Variants in ZFHX3 observed in about 807,000 individuals in gnomAD.
ZFHX3 encodes zinc finger homeobox 3, also known as zinc finger homeobox protein 3.
ZFHX3 carries 42 observed loss-of-function variants against 279.1 expected under a neutral mutation model. The observed-to-expected ratio is 0.15, with a 90% confidence interval of 0.12 to 0.19. ZFHX3 has a LOEUF of 0.19. Among genes scored for constraint, ZFHX3 ranks in the 10% least tolerant of loss-of-function variants. ZFHX3 has a pLI of 1.00. For missense variants in ZFHX3, 4,981 were observed against 4,754.0 expected, an observed-to-expected ratio of 1.05 and a Z score of -1.40; for synonymous variants, 2,293 against 1,957.8, an observed-to-expected ratio of 1.17 and a Z score of -4.52.
chr16:73,745,033 A>C (rs1223753024), intron 1 of ZFHX3, among the ~76,000 whole-genome samples: 2 of 152,164 alleles, frequency 1.3e-5, no homozygotes, highest in East Asian at 3.9e-4. Context: ...TAAACCCTTC[A>C]ATTTTTTTTG....
chr16:73,353,392 G>C (rs550384488), intron 3 of ZFHX3, among the ~76,000 whole-genome samples: 1 of 152,288 alleles, frequency 6.6e-6, no homozygotes, highest in South Asian at 2.1e-4. Context: ...TGGCTCAAGC[G>C]ACCTGACTGA....
intron 5 of ZFHX3, among the ~76,000 whole-genome samples, chr16:73,217,441 G>A (rs538155048): frequency 9.9e-5 from 15 of 152,246 alleles, no homozygotes; most frequent in African/African-American, 3.6e-4. Context: ...CAGGGGTTTG[G>A]TATTTTTTGT....
At chr16:72,811,553 G>T (rs749654715) in intron 7 of ZFHX3, 24 bp downstream of exon 7, 1 of 1,552,730 alleles carries the variant, frequency 6.4e-7, no homozygotes, top group Non-Finnish European at 8.7e-7. Flanking sequence ...AAAGACCACA[G>T]GGTGCTGCTC....
At chr16:73,854,175 T>C (rs1961659792) in intron 1 of ZFHX3, among the ~76,000 whole-genome samples, 1 of 152,162 alleles carries the variant, frequency 6.6e-6, no homozygotes, top group African/African-American at 2.4e-5. Flanking sequence ...TATAAACTTG[T>C]TGGAATGTTT....
At chr16:73,209,819 A>C (rs1296060907) in intron 5 of ZFHX3, among the ~76,000 whole-genome samples, 1 of 152,192 alleles carries the variant, frequency 6.6e-6, no homozygotes, top group East Asian at 1.9e-4. Flanking sequence ...AAAGCATATA[A>C]TACCTTTATG....
chr16:73,394,269 T>G (rs2017081642), intron 3 of ZFHX3, among the ~76,000 whole-genome samples: 1 of 150,774 alleles, frequency 6.6e-6, no homozygotes, highest in Non-Finnish European at 1.5e-5. Context: ...AGTCTCTGTC[T>G]CATATCTGAT....
chr16:73,696,170 T>C (rs2053196113), intron 1 of ZFHX3, among the ~76,000 whole-genome samples: 1 of 152,166 alleles, frequency 6.6e-6, no homozygotes, highest in Non-Finnish European at 1.5e-5. Flanking sequence ...GCATCAACCC[T>C]CTGCTAATTC....
intron 3 of ZFHX3, among the ~76,000 whole-genome samples, chr16:73,343,372 T>G (rs2016069758): frequency 6.6e-6 from 1 of 152,142 alleles, no homozygotes; most frequent in African/African-American, 2.4e-5. Flanking sequence ...GAATTCCAGC[T>G]CAGGTAAGTT....
At chr16:73,335,353 TAAA>T (rs2015892439) in intron 3 of ZFHX3, among the ~76,000 whole-genome samples, 1 of 152,198 alleles carries the variant, frequency 6.6e-6, no homozygotes, top group Non-Finnish European at 1.5e-5. Context: ...ACCTAAAAGA[TAAA>T]AAGTGATTTT....
At chr16:73,005,117 G>A (rs567246139) in intron 1 of ZFHX3, among the ~76,000 whole-genome samples, 4 of 152,220 alleles carry the variant, frequency 2.6e-5, no homozygotes, top group Non-Finnish European at 4.4e-5. Flanking sequence ...CCTGAGCTTC[G>A]GTTTCCTTCA....
At chr16:73,851,396 C>T (rs1961590906) in intron 1 of ZFHX3, among the ~76,000 whole-genome samples, 2 of 152,208 alleles carry the variant, frequency 1.3e-5, no homozygotes, top group South Asian at 4.1e-4. Flanking sequence ...AGACGATTGT[C>T]ATACTATTTC....
intron 7 of ZFHX3, among the ~76,000 whole-genome samples, chr16:73,107,513 C>T (rs573793511): frequency 1.3e-5 from 2 of 152,280 alleles, no homozygotes; most frequent in South Asian, 4.1e-4. Context: ...GACAAGATAT[C>T]ACTCTACTGG....
chr16:73,556,737 C>G (rs912169059), intron 2 of ZFHX3, among the ~76,000 whole-genome samples: 1 of 152,010 alleles, frequency 6.6e-6, no homozygotes, highest in African/African-American at 2.4e-5. Flanking sequence ...GCTTACCCAT[C>G]CTGGTCTTCT....
chr16:73,578,411 T>C (rs2051823697), intron 2 of ZFHX3, among the ~76,000 whole-genome samples: 1 of 151,814 alleles, frequency 6.6e-6, no homozygotes, highest in South Asian at 2.1e-4. Context: ...GGGAAGGATA[T>C]TTTCATTAAA....
intron 1 of ZFHX3, among the ~76,000 whole-genome samples, chr16:73,836,019 T>G (rs764837447): frequency 4.6e-5 from 7 of 152,046 alleles, no homozygotes; most frequent in Non-Finnish European, 8.8e-5. Flanking sequence ...GAAAGGAAAA[T>G]GGAGGAAAAC....
chr16:73,878,172 G>C (rs1044733010), intron 1 of ZFHX3, among the ~76,000 whole-genome samples: 7 of 151,922 alleles, frequency 4.6e-5, no homozygotes, highest in Non-Finnish European at 7.4e-5. Flanking sequence ...GACAACTCTT[G>C]CTGGTTCAAT....
At chr16:73,805,556 T>C (rs537172151) in intron 1 of ZFHX3, among the ~76,000 whole-genome samples, 1 of 152,332 alleles carries the variant, frequency 6.6e-6, no homozygotes, top group East Asian at 1.9e-4. Flanking sequence ...TCTTTGCACA[T>C]TGTAGATGCT....
intron 1 of ZFHX3, among the ~76,000 whole-genome samples, chr16:73,041,630 G>C (rs879125948): frequency 1.3e-5 from 2 of 152,152 alleles, no homozygotes; most frequent in African/African-American, 4.8e-5. Flanking sequence ...CATCAGAACA[G>C]AGATGGCATT....
At chr16:73,837,418 C>T (rs1961170839) in intron 1 of ZFHX3, among the ~76,000 whole-genome samples, 1 of 152,156 alleles carries the variant, frequency 6.6e-6, no homozygotes, top group East Asian at 1.9e-4. Flanking sequence ...TTAGGTAAAA[C>T]CTTGGAAATC....
Sources: allele counts gnomAD v4.1 joint callset (sites outside exome capture counted in the v4.1 genomes callset), GRCh38; gene constraint gnomAD v4.1.1; transcripts MANE v1.5; gene names NCBI Gene and HGNC (gene_info 2026-07-23, HGNC 2026-07-21).